RNF216: variants seen among roughly 807,000 people sequenced by gnomAD.
RNF216 encodes the protein ring finger protein 216.
A neutral mutation model predicts 110.8 loss-of-function variants in RNF216; 72 were observed. The observed-to-expected ratio is 0.65, with a 90% confidence interval of 0.54 to 0.79. RNF216 has a LOEUF of 0.79. Among genes scored for constraint, RNF216 ranks in the 30% least tolerant of loss-of-function variants. RNF216 has a pLI of 0.00. For missense variants in RNF216, 1,342 were observed against 1,141.2 expected, an observed-to-expected ratio of 1.18 and a Z score of -2.54; for synonymous variants, 495 against 407.5, an observed-to-expected ratio of 1.21 and a Z score of -2.59.
chr7:5,712,776 T>C lies in RNF216; in HGVS notation c.1921A>G (p.Lys641Glu). 1.2e-6 allele frequency: 2 copies of C among 1,614,016 alleles called. No homozygotes were observed. The highest frequency in any genetic ancestry group is 1.7e-6 in the Non-Finnish European group (2 of 1,180,012). The change falls in exon 12 of 17, where the codon AAG (lysine) becomes GAG (glutamate). Residue 641 changes from lysine to glutamate, a missense_variant. Lys to Glu is a moderately conservative substitution (Grantham distance 56). Coordinates refer to ENST00000389902, the MANE Select transcript of RNF216 (RefSeq NM_207111.4). ...EKVLPQTILY[K>E]YYERKAEEEV... The stretch of plus-strand genomic sequence containing the variant: ...TCCTCGGCTTTTCGCTCATAGTACT[T>C]ATACAGGATGGTCTGGGGGAGCACC...
chr7:5,669,741 A>C lies in RNF216; in HGVS notation c.2062-17231T>G, dbSNP rs1380406306. The stretch of plus-strand genomic sequence containing the variant: ...AAACCCCATCTACTAAAAATACAAA[A>C]ATTAGTCCGACATGGTGTTGTGCAC... On this transcript the variant is annotated intron_variant, in intron 13 of 16. Coordinates refer to ENST00000389902, the MANE Select transcript of RNF216 (RefSeq NM_207111.4). 8.5e-5 allele frequency among the ~76,000 whole-genome samples: 13 copies of C among 152,258 alleles called. 1 individual carries two copies. Among genetic ancestry groups the C allele is most frequent in the Non-Finnish European group, 2.9e-5 (2 of 68,022 alleles).
intron 15 of RNF216, among the ~76,000 whole-genome samples, chr7:5,640,326 G>C (rs1787659643): frequency 6.6e-6 from 1 of 152,146 alleles, no homozygotes; most frequent in Non-Finnish European, 1.5e-5. Flanking sequence ...GATTATAAAA[G>C]TCATTCCCTT....
chr7:5,724,253 G>T (rs925582586), intron 8 of RNF216, among the ~76,000 whole-genome samples: 2 of 152,160 alleles, frequency 1.3e-5, no homozygotes, highest in African/African-American at 4.8e-5. Context: ...GGCTGATGAA[G>T]GGACAACAGT....
intron 11 of RNF216, chr7:5,713,546 C>A (rs192490658): frequency 6.6e-6 from 1 of 152,268 alleles, no homozygotes; most frequent in Non-Finnish European, 1.5e-5. Flanking sequence ...CAGACTGAAT[C>A]ACCCCAGGTA....
chr7:5,703,251 A>G (rs1223717867), intron 13 of RNF216, among the ~76,000 whole-genome samples: 3 of 152,236 alleles, frequency 2.0e-5, no homozygotes, highest in African/African-American at 7.2e-5. Flanking sequence ...TCCTGAATAA[A>G]GGTCTTCCCT....
At chr7:5,714,901 C>A in intron 11 of RNF216, 152 bp downstream of exon 11, 1 of 576,412 alleles carries the variant, frequency 1.7e-6, no homozygotes, top group Non-Finnish European at 2.8e-6. Context: ...AGAGAACCCA[C>A]ATAATCACAT....
At chr7:5,704,237 C>T (rs943377255) in intron 13 of RNF216, among the ~76,000 whole-genome samples, 4 of 152,102 alleles carry the variant, frequency 2.6e-5, no homozygotes, top group Non-Finnish European at 5.9e-5. Context: ...TATATTAATG[C>T]CGTATTAATA....
At chr7:5,677,601 T>C (rs1158036195) in intron 13 of RNF216, among the ~76,000 whole-genome samples, 1 of 152,190 alleles carries the variant, frequency 6.6e-6, no homozygotes, top group South Asian at 2.1e-4. Context: ...TCTTTTATAT[T>C]TGTGTTAGCA....
In RNF216 at chr7:5,749,119, C is replaced by G. The variant is rs571298850; in HGVS notation, c.201+3727G>C. On this transcript the variant is annotated intron_variant, in intron 3 of 16. Coordinates refer to ENST00000389902, the MANE Select transcript of RNF216 (RefSeq NM_207111.4). Reference sequence around the variant, plus strand: ...GTAAGTAAGACCATTTGGAAAACAGCTGTGTTCTGATCAGCAAAAATGCCC... The same window carrying G: ...GTAAGTAAGACCATTTGGAAAACAGGTGTGTTCTGATCAGCAAAAATGCCC... Among the ~76,000 whole-genome samples, 23 of 150,500 alleles carry G rather than the reference C, an allele frequency of 1.5e-4. No homozygotes were observed. The South Asian group carries it at 4.9e-3, about 32-fold the overall frequency.
Position 5,741,111 on chromosome 7 carries a change from C to A in RNF216, c.906G>T (p.Gln302His), listed in dbSNP as rs760083303. ...GCTCTTCATCATCACTTGCTAACTG[C>A]TGGTCTTCAAACTCTCCTAGAGGAT... ...PAHPLGEFEDQQLASDDEEPG... is the reference protein window; with the variant it reads ...PAHPLGEFEDHQLASDDEEPG... Residue 302 changes from glutamine (Q) to histidine (H), a missense_variant, in exon 4 of 17, where the codon CAG becomes CAT. Transcript: ENST00000389902. The A allele has an allele frequency of 1.9e-6, 3 of 1,614,142 alleles. No homozygotes were observed. The highest frequency in any genetic ancestry group is 2.5e-6 in the Non-Finnish European group (3 of 1,180,036).
intron 13 of RNF216, among the ~76,000 whole-genome samples, chr7:5,678,196 CT>C: frequency 6.6e-6 from 1 of 152,304 alleles, no homozygotes. Context: ...CTCTGGGGCC[CT>C]CTGCTGACCG....
chr7:5,753,772 G>A (rs1795456287), intron 2 of RNF216, among the ~76,000 whole-genome samples: 1 of 152,096 alleles, frequency 6.6e-6, no homozygotes, highest in South Asian at 2.1e-4. Flanking sequence ...CGAGGTGGGT[G>A]GATCATGAGG....
chr7:5,742,602 T>C (rs1165808942), intron 3 of RNF216, among the ~76,000 whole-genome samples: 4 of 137,044 alleles, frequency 2.9e-5, no homozygotes, highest in African/African-American at 1.2e-4. Flanking sequence ...TTTTTTTTTT[T>C]TTTTTTTTTT....
intron 14 of RNF216, chr7:5,649,911 G>A (rs992147229): frequency 2.0e-5 from 3 of 152,226 alleles, no homozygotes; most frequent in Non-Finnish European, 4.4e-5. Context: ...TCGATAATCA[G>A]AGAACACCAG....
rs59697888 is a variant in RNF216, at chr7:5,678,883, C to T, written c.2062-26373G>A. On this transcript the variant is annotated intron_variant, in intron 13 of 16. Transcript: ENST00000389902. ...AGGTCTGCAGACAAGCTGAGGAGGC[C>T]GAGCTCCTAGAGAGGAAGTGGGGAG... 1.4e-3 allele frequency among the ~76,000 whole-genome samples: 218 copies of T among 152,284 alleles called. 3 individuals carry two copies. The highest frequency in any genetic ancestry group is 0.012 in the East Asian group (60 of 5,188).
At chr7:5,758,518 C>T (rs1166931644) in intron 2 of RNF216, among the ~76,000 whole-genome samples, 1 of 152,160 alleles carries the variant, frequency 6.6e-6, no homozygotes, top group East Asian at 1.9e-4. Flanking sequence ...TTGTGTCACT[C>T]CTGAGACAGC....
chr7:5,758,654 T>C (rs980817335), intron 2 of RNF216, among the ~76,000 whole-genome samples: 1 of 152,188 alleles, frequency 6.6e-6, no homozygotes, highest in Non-Finnish European at 1.5e-5. Context: ...GTTTTGGACT[T>C]GTGTGGGACC....
intron 5 of RNF216, among the ~76,000 whole-genome samples, chr7:5,732,567 C>G (rs1423105694): frequency 6.6e-6 from 1 of 152,218 alleles, no homozygotes; most frequent in African/African-American, 2.4e-5. Context: ...TGACAGAAAT[C>G]AGAAGCTCTC....
Position 5,696,744 on chromosome 7 carries a change from A to C in RNF216, c.2061+15017T>G, listed in dbSNP as rs1291812246. On this transcript the variant is annotated intron_variant, in intron 13 of 16. Coordinates refer to ENST00000389902, the MANE Select transcript of RNF216 (RefSeq NM_207111.4). The surrounding 1 kb of genome is among the most constrained non-coding windows in gnomAD (Gnocchi z 5.4). ...CCTAGGTCTTCTGGAAAATGGGAAA[A>C]GTAATCACAGCAAATACCTGCAACA... is the stretch of plus-strand genomic sequence containing the variant. Among the ~76,000 whole-genome samples, 2 of 152,198 alleles carry C rather than the reference A, an allele frequency of 1.3e-5. No homozygotes were observed. Among genetic ancestry groups the C allele is most frequent in the African/African-American group, 4.8e-5 (2 of 41,450 alleles).
Sources: allele counts gnomAD v4.1 joint callset (sites outside exome capture counted in the v4.1 genomes callset), GRCh38; gene constraint gnomAD v4.1.1; non-coding constraint Gnocchi (gnomAD v3.1); transcripts MANE v1.5; gene names NCBI Gene and HGNC (gene_info 2026-07-23, HGNC 2026-07-21).